TRUB1: variants seen among roughly 807,000 people sequenced by gnomAD.
TRUB1 encodes the protein TruB pseudouridine synthase family member 1.
TRUB1 carries 23 observed loss-of-function variants against 33.9 expected under a neutral mutation model. The observed-to-expected ratio is 0.68, with a 90% CI of 0.49 to 0.96. The LOEUF is 0.96. Ranked by LOEUF, TRUB1 falls within the 40% of genes least tolerant of loss-of-function variation. TRUB1 has a pLI of 0.00. For missense variants in TRUB1, 378 were observed against 422.2 expected (o/e 0.90, Z 0.92); for synonymous variants, 163 against 165.4 (o/e 0.99, Z 0.11).
chr10:114,948,630 C>A (rs1174279146), intron 2 of TRUB1, among the ~76,000 whole-genome samples: 1 of 152,182 alleles, frequency 6.6e-6, no homozygotes. Flanking sequence ...ATTAGTCTTC[C>A]TAAAATTCTG....
At position 114,973,516 on chromosome 10, in the gene TRUB1, A is replaced by G. The variant is rs192201408; in HGVS notation, c.737-813A>G. On this transcript the variant is annotated intron_variant, in intron 6 of 7. Coordinates refer to ENST00000298746, the MANE Select transcript of TRUB1 (RefSeq NM_139169.5). ...GGGTGATTAAAATCCCCAGGTGGTG[A>G]GTTTTGATTAATTCCCCCAAATGGC... Among the ~76,000 whole-genome samples, 384 of 152,252 alleles carry G rather than the reference A, an allele frequency of 2.5e-3. 2 individuals carry two copies. The highest frequency in any genetic ancestry group is 8.9e-3 in the African/African-American group (369 of 41,546).
chr10:114,956,804 A>G (rs1350366335), intron 3 of TRUB1, among the ~76,000 whole-genome samples: 5 of 152,216 alleles, frequency 3.3e-5, no homozygotes, highest in African/African-American at 7.2e-5. Context: ...TTCTAATACA[A>G]TAAATCTAGG....
intron 2 of TRUB1, among the ~76,000 whole-genome samples, chr10:114,947,127 T>G (rs1592048835): frequency 6.7e-6 from 1 of 149,060 alleles, no homozygotes; most frequent in Non-Finnish European, 1.5e-5. Context: ...CTTTGAAGAG[T>G]GAAGGGGATC....
At chr10:114,946,037 T>C (rs1167912773) in intron 2 of TRUB1, among the ~76,000 whole-genome samples, 1 of 152,228 alleles carries the variant, frequency 6.6e-6, no homozygotes, top group Non-Finnish European at 1.5e-5. Flanking sequence ...GAGTAAGGGA[T>C]GTTTGTTGTC....
At chr10:114,967,774 ATT>A (rs1327157311) in intron 4 of TRUB1, among the ~76,000 whole-genome samples, 3 of 152,160 alleles carry the variant, frequency 2.0e-5, no homozygotes, top group African/African-American at 7.2e-5. Context: ...CATAAGAACG[ATT>A]ATTATTAATT....
chr10:114,943,381 T>A (rs1054794290), intron 2 of TRUB1, among the ~76,000 whole-genome samples: 1 of 151,986 alleles, frequency 6.6e-6, no homozygotes, highest in African/African-American at 2.4e-5. Context: ...AATACAAAAA[T>A]TGGCTGGGTG....
chr10:114,961,065 G>C (rs2084283261), intron 4 of TRUB1, among the ~76,000 whole-genome samples: 1 of 152,098 alleles, frequency 6.6e-6, no homozygotes, highest in Admixed American at 6.6e-5. Context: ...TTCTAGCTCT[G>C]CCCTTATCTA....
chr10:114,965,245 A>G (rs935424178), intron 4 of TRUB1, among the ~76,000 whole-genome samples: 1 of 151,758 alleles, frequency 6.6e-6, no homozygotes, highest in African/African-American at 2.4e-5. Context: ...GTTTTTTTTT[A>G]ATAGCTTTCT....
chr10:114,973,857 G>C (rs1035023606), intron 6 of TRUB1, among the ~76,000 whole-genome samples: 1 of 152,048 alleles, frequency 6.6e-6, no homozygotes, highest in South Asian at 2.1e-4. Flanking sequence ...TTTTTGGTTG[G>C]TTGGTTGGTT....
In TRUB1 at chr10:114,945,001, G is replaced by A. The variant is rs569463067; in HGVS notation, c.385+2258G>A. The stretch of plus-strand genomic sequence containing the variant: ...CAAAAACCCCAGTTAATAATAACAA[G>A]CATTTATTGAGCATTTACTGTATAT... On this transcript the variant is annotated intron_variant, in intron 2 of 7. Coordinates refer to ENST00000298746, the MANE Select transcript of TRUB1 (RefSeq NM_139169.5). Among the ~76,000 whole-genome samples, 10 of 152,228 alleles carry A rather than the reference G, an allele frequency of 6.6e-5. No homozygotes were observed. In the South Asian group the frequency reaches 1.5e-3, roughly 22 times the overall value.
At chr10:114,971,665 G>T (rs1398001210) in intron 5 of TRUB1, among the ~76,000 whole-genome samples, 1 of 152,086 alleles carries the variant, frequency 6.6e-6, no homozygotes, top group Admixed American at 6.6e-5. Flanking sequence ...GCTAAGATAC[G>T]CTAAGTAGGT....
In TRUB1 at chr10:114,938,230, G is replaced by T; in HGVS notation, c.-24G>T. On this transcript the variant is annotated 5_prime_UTR_variant, in exon 1 of 8. An upstream start codon of the reference 5' UTR is lost. Transcript: ENST00000298746. ...CATCATCAGCGTGCACCTCCACGAT[G>T]AAACAGGTCTGGGCTACAAAAGTAT... The T allele has an allele frequency of 6.2e-7, 1 of 1,607,730 alleles. No individual in the cohort carries two copies. Among genetic ancestry groups the T allele is most frequent in the Non-Finnish European group, 8.5e-7 (1 of 1,178,360 alleles).
intron 1 of TRUB1, among the ~76,000 whole-genome samples, chr10:114,939,005 T>C (rs537135145): frequency 6.6e-6 from 1 of 152,358 alleles, no homozygotes; most frequent in Admixed American, 6.5e-5. Context: ...ACTTAGAGTC[T>C]CTTGTACAAA....
At chr10:114,975,095 AT>A (rs754495823) in intron 7 of TRUB1, 27 bp from the exon 8 acceptor site, 7 of 1,585,008 alleles carry the variant, frequency 4.4e-6, no homozygotes, top group South Asian at 1.2e-5. Context: ...TATCTTCTGG[AT>A]TTTTTTTCTA....
intron 3 of TRUB1, among the ~76,000 whole-genome samples, chr10:114,955,651 G>A (rs1397670251): frequency 6.6e-6 from 1 of 152,166 alleles, no homozygotes; most frequent in Non-Finnish European, 1.5e-5. Context: ...CAAGAACACA[G>A]TAACATTTTT....
At chr10:114,943,567 T>C (rs191094187) in intron 2 of TRUB1, among the ~76,000 whole-genome samples, 95 of 151,676 alleles carry the variant, frequency 6.3e-4, no homozygotes, top group African/African-American at 2.2e-3. Flanking sequence ...CTTTGGGCAC[T>C]GAGTTTCTAA....
rs2084201449 is a variant in TRUB1, at chr10:114,944,138, T to C, written c.385+1395T>C. 3.3e-5 allele frequency among the ~76,000 whole-genome samples: 5 copies of C among 151,842 alleles called. No individual in the cohort carries two copies. The South Asian group carries it at 1.0e-3, about 32-fold the overall frequency. ...TTAGTCACAGAACTACCTACATACA[T>C]TGGGATCCCTCTCAGTGCCCCCTTC... is the stretch of plus-strand genomic sequence containing the variant. On this transcript the variant is annotated intron_variant, in intron 2 of 7. Transcript: ENST00000298746.
chr10:114,940,952 G>A (rs1273479128), intron 1 of TRUB1, among the ~76,000 whole-genome samples: 1 of 152,194 alleles, frequency 6.6e-6, no homozygotes, highest in Non-Finnish European at 1.5e-5. Flanking sequence ...GTGTTCCAGA[G>A]ACCATGGTTC....
chr10:114,966,238 T>C (rs189773057), intron 4 of TRUB1, among the ~76,000 whole-genome samples: 33 of 152,298 alleles, frequency 2.2e-4, no homozygotes, highest in African/African-American at 6.3e-4. Context: ...TTGTAACCAT[T>C]TTTTAAAAGA....
Sources: allele counts gnomAD v4.1 joint callset (sites outside exome capture counted in the v4.1 genomes callset), GRCh38; gene constraint gnomAD v4.1.1; transcripts MANE v1.5; gene names NCBI Gene and HGNC (gene_info 2026-07-23, HGNC 2026-07-21).